Variants in PLD1 observed in about 807,000 individuals in gnomAD.
The protein encoded by PLD1 is choline phosphatase 1.
A neutral mutation model predicts 137.1 loss-of-function variants in PLD1; 112 were observed. The observed-to-expected ratio is 0.82, with a 90% CI of 0.70 to 0.96. PLD1 has a LOEUF of 0.96. PLD1 is among the 40% of genes least tolerant of loss of function. The pLI is 0.00. For missense variants in PLD1, 1,321 were observed against 1,342.0 expected (o/e 0.98, Z 0.24); for synonymous variants, 431 against 454.7 (o/e 0.95, Z 0.66).
In PLD1 at chr3:171,807,367, C is replaced by T. The variant is rs184893393; in HGVS notation, c.-32+3032G>A. ...ACTCAAACCTTGCTTAGTGATAAAA[C>T]TAAAGCCTGCAACACAACCATTATC... On this transcript the variant is annotated intron_variant, in intron 1 of 26. Transcript: ENST00000351298. Among the ~76,000 whole-genome samples the T allele has an allele frequency of 1.1e-3, 175 of 152,212 alleles. 1 individual carries two copies. The highest frequency in any genetic ancestry group is 4.0e-3 in the African/African-American group (168 of 41,556).
intron 1 of PLD1, among the ~76,000 whole-genome samples, chr3:171,798,173 C>T (rs1182374357): frequency 6.6e-6 from 1 of 152,166 alleles, no homozygotes; most frequent in Non-Finnish European, 1.5e-5. Context: ...GATTAAAATG[C>T]TGTGGGATAC....
At chr3:171,786,816 G>C (rs1723027881) in intron 1 of PLD1, among the ~76,000 whole-genome samples, 1 of 152,084 alleles carries the variant, frequency 6.6e-6, no homozygotes, top group African/African-American at 2.4e-5. Context: ...AACTAGAATA[G>C]GTAACATGGG....
chr3:171,698,271 T>C (rs1294836270), intron 12 of PLD1, among the ~76,000 whole-genome samples: 2 of 152,208 alleles, frequency 1.3e-5, no homozygotes, highest in Non-Finnish European at 2.9e-5. Flanking sequence ...TAGGAGACAG[T>C]AACCGTATGA....
intron 1 of PLD1, among the ~76,000 whole-genome samples, chr3:171,766,471 G>A (rs1443894208): frequency 2.6e-5 from 4 of 152,076 alleles, no homozygotes; most frequent in African/African-American, 9.7e-5. Flanking sequence ...CACACATAGA[G>A]AGGTATATTT....
At chr3:171,675,032 T>TGAAAAA (rs1322101243) in intron 18 of PLD1, among the ~76,000 whole-genome samples, 1 of 150,988 alleles carries the variant, frequency 6.6e-6, no homozygotes, top group Non-Finnish European at 1.5e-5. Flanking sequence ...CAGGTTAATT[T>TGAAAAA]GAAAAAGAAA....
Position 171,603,150 on chromosome 3 carries a change from G to C in PLD1, c.3153C>G (p.Phe1051Leu). The C allele has an allele frequency of 4.3e-6, 7 of 1,614,080 alleles. No individual in the cohort carries two copies. Among genetic ancestry groups the C allele is most frequent in the Non-Finnish European group, 5.9e-6 (7 of 1,179,960 alleles). The change falls in exon 27 of 27, where the codon TTC becomes TTG. Residue 1051 changes from phenylalanine to leucine, a missense_variant. By Grantham distance (22) the Phe-to-Leu change is conservative. Coordinates refer to ENST00000351298, the MANE Select transcript of PLD1 (RefSeq NM_002662.5). ...RGFLVQFPFY[F>L]LSEESLLPSV... is the part of the protein sequence containing the mutation. ...AAGGCAGTAGGCTTTCTTCAGACAA[G>C]AAATAAAAGGGGAATTGCACCAAAA...
chr3:171,693,324 G>T (rs531198860), intron 12 of PLD1, among the ~76,000 whole-genome samples: 2 of 152,214 alleles, frequency 1.3e-5, no homozygotes, highest in Admixed American at 1.3e-4. Flanking sequence ...CTGAAAAAAA[G>T]ATTTAAACAA....
chr3:171,684,541 AAT>A (rs1714353117), intron 16 of PLD1, among the ~76,000 whole-genome samples: 1 of 152,052 alleles, frequency 6.6e-6, no homozygotes, highest in Non-Finnish European at 1.5e-5. Flanking sequence ...ATGCTAAATA[AAT>A]ATATGTCTCC....
chr3:171,618,048 T>C (rs565924014), intron 24 of PLD1, among the ~76,000 whole-genome samples: 10 of 151,400 alleles, frequency 6.6e-5, no homozygotes, highest in Middle Eastern at 3.4e-3. Context: ...TCCACCGAGA[T>C]AAAAAGAACA....
intron 4 of PLD1, 58 bp downstream of exon 4, chr3:171,735,434 A>G (rs1719283364): frequency 6.8e-7 from 1 of 1,466,978 alleles, no homozygotes; most frequent in East Asian, 2.3e-5. Context: ...CCACACCCAG[A>G]CAAAATACAC....
chr3:171,761,784 T>C lies in PLD1; in HGVS notation c.-31-23702A>G, dbSNP rs527662474. Among the ~76,000 whole-genome samples, 3 of 152,304 alleles carry C rather than the reference T, an allele frequency of 2.0e-5. No individual in the cohort carries two copies. In the East Asian group the frequency reaches 5.8e-4, roughly 29 times the overall value. ...GCCTATAATTAATCCATTTAAGATG[T>C]GGACCAGTTTTTATGAATCACAACA... is the stretch of plus-strand genomic sequence containing the variant. On this transcript the variant is annotated intron_variant, in intron 1 of 26. Coordinates refer to ENST00000351298, the MANE Select transcript of PLD1 (RefSeq NM_002662.5).
At chr3:171,676,455 A>G (rs943840978) in intron 18 of PLD1, among the ~76,000 whole-genome samples, 3 of 152,132 alleles carry the variant, frequency 2.0e-5, no homozygotes, top group African/African-American at 4.8e-5. Flanking sequence ...CAAGATGTTA[A>G]CAAGGTTAAA....
intron 1 of PLD1, among the ~76,000 whole-genome samples, chr3:171,745,776 G>A (rs920387367): frequency 2.6e-5 from 4 of 152,190 alleles, no homozygotes; most frequent in Admixed American, 6.5e-5. Flanking sequence ...AGGCCATGGC[G>A]TCCACGCTGG....
chr3:171,670,184 C>CATAG (rs1712604267), intron 19 of PLD1, among the ~76,000 whole-genome samples: 1 of 1,948 alleles, frequency 5.1e-4, no homozygotes, highest in Non-Finnish European at 8.7e-4. Flanking sequence ...TGGGTACAAA[C>CATAG]ATAGAAGGAA....
At chr3:171,611,833 G>T (rs1732682699) in intron 25 of PLD1, among the ~76,000 whole-genome samples, 1 of 152,164 alleles carries the variant, frequency 6.6e-6, no homozygotes, top group South Asian at 2.1e-4. Flanking sequence ...TAATCCCAGT[G>T]CTTTGAGAGG....
At chr3:171,730,784 G>C (rs9810871) in intron 6 of PLD1, among the ~76,000 whole-genome samples, 1 of 151,612 alleles carries the variant, frequency 6.6e-6, no homozygotes, top group African/African-American at 2.4e-5. Flanking sequence ...GATTAAAGGC[G>C]CCCACCACCA....
At chr3:171,657,548 T>C (rs983353055) in intron 21 of PLD1, among the ~76,000 whole-genome samples, 7 of 152,226 alleles carry the variant, frequency 4.6e-5, no homozygotes, top group Non-Finnish European at 1.0e-4. Context: ...GTGGAAAGAA[T>C]AGTCTTTTTA....
At chr3:171,620,284 T>C (rs1353687704) in intron 24 of PLD1, 102 bp downstream of exon 24, 2 of 769,980 alleles carry the variant, frequency 2.6e-6, no homozygotes, top group Non-Finnish European at 2.0e-6. Context: ...TTACTGTCTG[T>C]TTCAAATGCA....
At chr3:171,700,481 G>A (rs1210591164) in intron 11 of PLD1, among the ~76,000 whole-genome samples, 3 of 152,136 alleles carry the variant, frequency 2.0e-5, no homozygotes, top group Non-Finnish European at 4.4e-5. Context: ...TTACAGGGGT[G>A]CAGCAATATT....
Sources: allele counts gnomAD v4.1 joint callset (sites outside exome capture counted in the v4.1 genomes callset), GRCh38; gene constraint gnomAD v4.1.1; transcripts MANE v1.5; gene names NCBI Gene and HGNC (gene_info 2026-07-23, HGNC 2026-07-21).